Variants in OC90 observed in about 807,000 individuals in gnomAD.
OC90 encodes the protein otoconin-90.
Under a neutral mutation model 47.3 loss-of-function variants are expected in OC90, and 46 were observed. The observed-to-expected ratio is 0.97, with a 90% CI of 0.77 to 1.24. The LOEUF (loss-of-function observed/expected upper bound fraction) is 1.24. Among genes scored for constraint, OC90 ranks in the 50% most tolerant of loss-of-function variants. The probability of loss-of-function intolerance (pLI) is 0.00; values close to 1 mark genes in which losing one functional copy is unlikely to be tolerated. For synonymous variants in OC90, 271 were observed against 219.5 expected (o/e 1.23, Z -2.07); for missense variants, 688 against 583.9 (o/e 1.18, Z -1.84).
chr8:132,035,938 A>G (rs774816701), intron 9 of OC90, among the ~76,000 whole-genome samples: 8 of 152,210 alleles, frequency 5.3e-5, no homozygotes, highest in Non-Finnish European at 1.2e-4. Context: ...TTAACCAAAG[A>G]ACCCATTTAC....
chr8:132,036,408 C>A (rs1473356407), intron 9 of OC90: 1 of 780,824 alleles, frequency 1.3e-6, no homozygotes, highest in Non-Finnish European at 2.4e-6. Context: ...CAGCCTCAGT[C>A]TCTGCAGCCA....
intron 13 of OC90, among the ~76,000 whole-genome samples, chr8:132,026,218 T>C (rs1822755410): frequency 6.6e-6 from 1 of 152,200 alleles, no homozygotes; most frequent in Non-Finnish European, 1.5e-5. Flanking sequence ...TGAAATAATA[T>C]CTTTGAAGGT....
At chr8:132,028,879 G>A (rs960314550) in intron 13 of OC90, among the ~76,000 whole-genome samples, 194 bp downstream of exon 13, 4 of 138,638 alleles carry the variant, frequency 2.9e-5, no homozygotes, top group Non-Finnish European at 6.2e-5. Context: ...GGGAAGGAAG[G>A]AAAAGAAAGA....
chr8:132,048,579 C>T (rs1428744286), intron 2 of OC90, among the ~76,000 whole-genome samples: 2 of 151,494 alleles, frequency 1.3e-5, no homozygotes, highest in Non-Finnish European at 2.9e-5. Context: ...TTTACCAAAA[C>T]CCCCTACACC....
At chr8:132,031,269 A>T (rs187746460) in intron 12 of OC90, among the ~76,000 whole-genome samples, 15 of 152,340 alleles carry the variant, frequency 9.8e-5, no homozygotes, top group African/African-American at 3.6e-4. Context: ...TCATTGTTAT[A>T]TCTCTACCAC....
chr8:132,058,928 T>C (rs1279023967), intron 1 of OC90, among the ~76,000 whole-genome samples: 2 of 152,092 alleles, frequency 1.3e-5, no homozygotes, highest in African/African-American at 2.4e-5. Context: ...TTTTCAGCTA[T>C]ATCCTGGAGC....
chr8:132,033,294 T>C (rs1006723254), intron 10 of OC90, 130 bp from the exon 11 acceptor site: 1 of 874,916 alleles, frequency 1.1e-6, no homozygotes, highest in Non-Finnish European at 1.8e-6. Context: ...TCAAACTGGG[T>C]TTGCAGATGT....
chr8:132,057,509 G>C (rs1489082690), intron 1 of OC90, among the ~76,000 whole-genome samples: 1 of 152,184 alleles, frequency 6.6e-6, no homozygotes, highest in Admixed American at 6.5e-5. Context: ...ATGATTGGGT[G>C]TTCTTCGATA....
rs1194538338 is a variant in OC90 at position 132,024,664 on chromosome 8, C to T, written c.1251G>A (p.Gly417=). Residue 417 remains glycine (G), a synonymous_variant, in exon 14 of 14, where the codon GGG becomes GGA. Coordinates refer to ENST00000254627, the MANE Select transcript of OC90 (RefSeq NM_001080399.3). The part of the protein sequence containing the change: ...NQSLKSPSRL[G]CPGQPAACED... The stretch of plus-strand genomic sequence containing the variant: ...CACAGGCTGCTGGCTGCCCAGGGCA[C>T]CCGAGTCTGCTTGGGGACTTGAGGC... 6.2e-7 allele frequency: 1 copy of T among 1,613,294 alleles called. No homozygotes were observed. Among genetic ancestry groups the T allele is most frequent in the South Asian group, 1.1e-5 (1 of 90,982 alleles).
chr8:132,032,180 C>T (rs1262207233), intron 11 of OC90, 128 bp from the exon 12 acceptor site: 22 of 774,206 alleles, frequency 2.8e-5, no homozygotes, highest in Admixed American at 2.6e-4. Context: ...ATGTCTTACT[C>T]GTTGGCTCAC....
chr8:132,034,355 T>C (rs1218366181), intron 10 of OC90, among the ~76,000 whole-genome samples: 1 of 152,200 alleles, frequency 6.6e-6, no homozygotes, highest in Non-Finnish European at 1.5e-5. Flanking sequence ...TAGGAAATAG[T>C]CAGTAGTAGC....
intron 13 of OC90, among the ~76,000 whole-genome samples, chr8:132,026,203 T>A (rs1390047423): frequency 6.6e-6 from 1 of 152,234 alleles, no homozygotes; most frequent in Admixed American, 6.5e-5. Flanking sequence ...GTGGTGTGAC[T>A]CAAATGAAAT....
chr8:132,033,036 C>T lies in OC90; in HGVS notation c.859+3G>A, dbSNP rs746197274. ...GGAGAGGACAGACACTGCTTCTGCTCACCTTTTTCAGTGGTCTCCTCAGGA... is the reference window on the plus strand; with the variant it reads ...GGAGAGGACAGACACTGCTTCTGCTTACCTTTTTCAGTGGTCTCCTCAGGA... On this transcript the variant is annotated splice_donor_region_variant and intron_variant, in intron 11 of 13. Coordinates refer to ENST00000254627, the MANE Select transcript of OC90 (RefSeq NM_001080399.3). 4 of 1,608,492 alleles carry T rather than the reference C, an allele frequency of 2.5e-6. No homozygotes were observed. The highest frequency in any genetic ancestry group is 2.5e-6 in the Non-Finnish European group (3 of 1,177,656).
intron 13 of OC90, among the ~76,000 whole-genome samples, chr8:132,028,526 A>AAAAGAAAGAAAGAAAGAAAGAAAGAAAG (rs372685836): frequency 2.5e-4 from 22 of 87,558 alleles, no homozygotes; most frequent in African/African-American, 8.1e-4. Context: ...AGAAAGAAAG[A>AAAAGAAAGAAAGAAAGAAAGAAAGAAAG]AAAGAAAGAA....
At chr8:132,053,969 A>C (rs902211357) in intron 2 of OC90, among the ~76,000 whole-genome samples, 1 of 152,228 alleles carries the variant, frequency 6.6e-6, no homozygotes, top group African/African-American at 2.4e-5. Flanking sequence ...GAGAGACCTC[A>C]CCATGCACAG....
At chr8:132,027,568 A>T (rs1822778157) in intron 13 of OC90, among the ~76,000 whole-genome samples, 1 of 152,226 alleles carries the variant, frequency 6.6e-6, no homozygotes, top group Non-Finnish European at 1.5e-5. Context: ...TAAACTGCAA[A>T]GCATAAGGGA....
intron 13 of OC90, among the ~76,000 whole-genome samples, chr8:132,026,457 G>A (rs1188468724): frequency 1.3e-5 from 2 of 152,222 alleles, no homozygotes; most frequent in African/African-American, 4.8e-5. Flanking sequence ...GGAGGAAAAT[G>A]TACCAAGTGT....
chr8:132,028,563 A>AAGGAAGGAAGGAAGGAAGGAAGG, intron 13 of OC90, among the ~76,000 whole-genome samples: 1 of 31,390 alleles, frequency 3.2e-5, no homozygotes, highest in South Asian at 1.4e-3. Context: ...AGAAAGAAAG[A>AAGGAAGGAAGGAAGGAAGGAAGG]AAGGAAGGAA....
intron 13 of OC90, among the ~76,000 whole-genome samples, chr8:132,026,297 T>G (rs1822757109): frequency 7.2e-6 from 1 of 139,538 alleles, no homozygotes; most frequent in African/African-American, 2.5e-5. Flanking sequence ...GCTAAGGGAT[T>G]TTTTTGGCAT....
Sources: allele counts gnomAD v4.1 joint callset (sites outside exome capture counted in the v4.1 genomes callset), GRCh38; gene constraint gnomAD v4.1.1; transcripts MANE v1.5; gene names NCBI Gene and HGNC (gene_info 2026-07-23, HGNC 2026-07-21).